EVI5L: variants seen among roughly 807,000 people sequenced by gnomAD.
EVI5L encodes EVI5-like protein.
EVI5L carries 30 observed loss-of-function variants against 106.1 expected under a neutral mutation model. That is an observed-to-expected ratio of 0.28 (90% CI 0.21 to 0.38). The LOEUF (loss-of-function observed/expected upper bound fraction) is 0.38, where lower values mean the gene tolerates loss of function less well. EVI5L is among the 10% of genes least tolerant of loss of function. EVI5L has a pLI of 1.00. For missense variants in EVI5L, 809 were observed against 1,098.0 expected (o/e 0.74, Z 3.72); for synonymous variants, 489 against 483.3 (o/e 1.01, Z -0.15).
chr19:7,858,788 G>C lies in EVI5L; in HGVS notation c.1374+457G>C, dbSNP rs1381204521. ...GGGGAGCTCTGAGCCAGCAGGGTGGGGCTGAGGGGGCACCTTGAGTGTCTT... is the reference window on the plus strand; with the variant it reads ...GGGGAGCTCTGAGCCAGCAGGGTGGCGCTGAGGGGGCACCTTGAGTGTCTT... On this transcript the variant is annotated intron_variant, in intron 13 of 19. Transcript: ENST00000538904. The surrounding 1 kb of genome is among the most constrained non-coding windows in gnomAD (Gnocchi z 5.7). 6.3e-6 allele frequency: 1 copy of C among 159,462 alleles called. No homozygotes were observed. Among genetic ancestry groups the C allele is most frequent in the Non-Finnish European group, 1.4e-5 (1 of 72,982 alleles). 9.9% of individuals were successfully genotyped at this position (159,462 alleles called of 1,614,324 possible). A position where few individuals can be genotyped will look rare whatever the true frequency, so the allele number is the denominator to read the frequency against.
rs556777485 is a variant in EVI5L at position 7,856,942 on chromosome 19, G to C, written c.1201-150G>C. 8 of 822,476 alleles carry C rather than the reference G, an allele frequency of 9.7e-6. No individual in the cohort carries two copies. The South Asian group carries it at 1.1e-4, about 12-fold the overall frequency. 50.9% of individuals were successfully genotyped at this position (822,476 alleles called of 1,614,324 possible). ...TCTTCCTCCGGGTCCTCTCCTGCTG[G>C]TTCTCTGGTCTTCCCTCCTCTCTCC... is the stretch of plus-strand genomic sequence containing the variant. On this transcript the variant is annotated intron_variant, in intron 11 of 19. Coordinates refer to ENST00000538904, the MANE Select transcript of EVI5L (RefSeq NM_001159944.3). This position sits in a 1 kb window ranked among gnomAD's most constrained non-coding sequence, Gnocchi z 6.6.
In EVI5L at chr19:7,848,856, TG is replaced by T; in HGVS notation, c.328-62del. The T allele has an allele frequency of 6.6e-7, 1 of 1,508,544 alleles. No homozygotes were observed. Among genetic ancestry groups the T allele is most frequent in the Non-Finnish European group, 9.1e-7 (1 of 1,103,278 alleles). The allele number at this position is 1,508,544 out of a possible 1,614,324, so 93.4% of individuals were successfully genotyped here. ...ATGAGCCACGCCTGAGGAGCTGGGC[TG>T]GGTGGCCACGGGGAGGCTGCGCTGG... On this transcript the variant is annotated intron_variant, in intron 3 of 19. Transcript: ENST00000538904. The surrounding 1 kb of genome is among the most constrained non-coding windows in gnomAD (Gnocchi z 4.8).
chr19:7,836,168 C>T (rs954067473), intron 1 of EVI5L, among the ~76,000 whole-genome samples: 1 of 151,732 alleles, frequency 6.6e-6, no homozygotes, highest in Non-Finnish European at 1.5e-5. Context: ...ACCCAGGAGG[C>T]GGAGGTTGCA....
chr19:7,838,100 TTTTTG>T (rs1239787605), intron 1 of EVI5L, among the ~76,000 whole-genome samples: 8 of 151,998 alleles, frequency 5.3e-5, no homozygotes, highest in African/African-American at 7.2e-5. Context: ...GGTTGGTTTT[TTTTTG>T]TTTTGTTTTG....
intron 1 of EVI5L, among the ~76,000 whole-genome samples, chr19:7,833,370 C>T (rs1274174392): frequency 1.3e-5 from 2 of 152,260 alleles, no homozygotes; most frequent in Non-Finnish European, 1.5e-5. Context: ...ATGCCAAGCA[C>T]CATTGACATA....
intron 14 of EVI5L, among the ~76,000 whole-genome samples, chr19:7,861,122 C>T (rs1979780910): frequency 6.6e-6 from 1 of 152,184 alleles, no homozygotes; most frequent in African/African-American, 2.4e-5. Flanking sequence ...CACTCTCCCA[C>T]GGAGCTCCCA....
At chr19:7,855,558 G>A (rs888376488) in intron 10 of EVI5L, among the ~76,000 whole-genome samples, 1 of 152,200 alleles carries the variant, frequency 6.6e-6, no homozygotes, top group Non-Finnish European at 1.5e-5. Flanking sequence ...TGATCAGCAC[G>A]CTGGACCCAG....
In EVI5L at chr19:7,856,105, T is replaced by C; in HGVS notation, c.1200+37T>C. 2.3e-6 allele frequency: 3 copies of C among 1,316,624 alleles called. No homozygotes were observed. Among genetic ancestry groups the C allele is most frequent in the Non-Finnish European group, 2.0e-6 (2 of 1,023,184 alleles). The allele number at this position is 1,316,624 out of a possible 1,614,324, so 81.6% of individuals were successfully genotyped here. On this transcript the variant is annotated intron_variant, in intron 11 of 19. Transcript: ENST00000538904. The surrounding 1 kb of genome is among the most constrained non-coding windows in gnomAD (Gnocchi z 6.6). ...GGCCACTGTGAGGACATGGTCGCCA[T>C]GGGGTGTGACCCACCATGCGGGGCA...
Position 7,856,106 on chromosome 19 carries a change from G to A in EVI5L, c.1200+38G>A. 1 of 1,316,026 alleles carries A rather than the reference G, an allele frequency of 7.6e-7. No homozygotes were observed. The highest frequency in any genetic ancestry group is 9.8e-7 in the Non-Finnish European group (1 of 1,022,806). The allele number at this position is 1,316,026 out of a possible 1,614,324, so 81.5% of individuals were successfully genotyped here. The stretch of plus-strand genomic sequence containing the variant: ...GCCACTGTGAGGACATGGTCGCCAT[G>A]GGGTGTGACCCACCATGCGGGGCAT... On this transcript the variant is annotated intron_variant, in intron 11 of 19. Coordinates refer to ENST00000538904, the MANE Select transcript of EVI5L (RefSeq NM_001159944.3). The surrounding 1 kb of genome is among the most constrained non-coding windows in gnomAD (Gnocchi z 6.6).
rs1301420595 is a variant in EVI5L at position 7,848,397 on chromosome 19, G to A, written c.327+476G>A. 6.6e-6 allele frequency among the ~76,000 whole-genome samples: 1 copy of A among 152,172 alleles called. No homozygotes were observed. The highest frequency in any genetic ancestry group is 2.4e-5 in the African/African-American group (1 of 41,420). On this transcript the variant is annotated intron_variant, in intron 3 of 19. Coordinates refer to ENST00000538904, the MANE Select transcript of EVI5L (RefSeq NM_001159944.3). This position sits in a 1 kb window ranked among gnomAD's most constrained non-coding sequence, Gnocchi z 4.8. The stretch of plus-strand genomic sequence containing the variant: ...AGATCACCTAAGGTCAGGAGTTCAA[G>A]ACCAGCCTGGCCAACATGGCGAAAC...
chr19:7,862,615 C>T (rs1979875152), intron 17 of EVI5L, 81 bp downstream of exon 17: 5 of 1,242,658 alleles, frequency 4.0e-6, no homozygotes, highest in Non-Finnish European at 5.2e-6. Flanking sequence ...CCCAATCCGC[C>T]TCTGCCGGCG....
Position 7,857,255 on chromosome 19 carries a change from G to A in EVI5L, c.1233+131G>A. 7.8e-7 allele frequency: 1 copy of A among 1,284,908 alleles called. No individual in the cohort carries two copies. 79.6% of individuals were successfully genotyped at this position (1,284,908 alleles called of 1,614,324 possible). On this transcript the variant is annotated intron_variant, in intron 12 of 19. Transcript: ENST00000538904. The surrounding 1 kb of genome is among the most constrained non-coding windows in gnomAD (Gnocchi z 4.5). ...CCTGGCGCCATGCATGGAGCAGCTG[G>A]GGACCGCTTCTGGGGGACACAGAGG... is the stretch of plus-strand genomic sequence containing the variant.
rs73500080 is a variant in EVI5L at position 7,860,677 on chromosome 19, C to A, written c.1491C>A (p.Leu497=). The A allele has an allele frequency of 8.2e-6, 13 of 1,586,698 alleles. No individual in the cohort carries two copies. Among genetic ancestry groups the A allele is most frequent in the East Asian group, 2.3e-5 (1 of 43,580 alleles). Reference sequence around the variant, plus strand: ...TTCGGGAGATGCAGGACAAGGTTCTCGACATGGAAAAGGTGCAATGGGGAG... The same window carrying A: ...TTCGGGAGATGCAGGACAAGGTTCTAGACATGGAAAAGGTGCAATGGGGAG... ...GALREMQDKV[L]DMEKRNSSLP... is the part of the protein sequence containing the mutation. Residue 497 remains leucine (L), a synonymous_variant, in exon 14 of 20, where the codon CTC becomes CTA. Coordinates refer to ENST00000538904, the MANE Select transcript of EVI5L (RefSeq NM_001159944.3).
At chr19:7,851,287 AGTGCTGAGG>A in intron 6 of EVI5L, 138 bp from the exon 7 acceptor site, 2 of 922,548 alleles carry the variant, frequency 2.2e-6, no homozygotes, top group Non-Finnish European at 3.2e-6. Context: ...CCTCAGACAG[AGTGCTGAGG>A]GAGCACCAGG....
At chr19:7,843,829 G>C (rs1978823492) in intron 1 of EVI5L, among the ~76,000 whole-genome samples, 1 of 152,020 alleles carries the variant, frequency 6.6e-6, no homozygotes, top group South Asian at 2.1e-4. Flanking sequence ...CATGTGTGTT[G>C]TGCGTGCACA....
At chr19:7,854,829 G>A (rs545885709) in intron 10 of EVI5L, among the ~76,000 whole-genome samples, 31 of 152,312 alleles carry the variant, frequency 2.0e-4, no homozygotes, top group African/African-American at 6.7e-4. Context: ...TTCCCCACAT[G>A]ACATGCATCA....
At chr19:7,843,455 AGTGT>A (rs1263766511) in intron 1 of EVI5L, among the ~76,000 whole-genome samples, 10 of 56,600 alleles carry the variant, frequency 1.8e-4, no homozygotes, top group South Asian at 1.2e-3. Flanking sequence ...TGGGTGTGTG[AGTGT>A]GTGTGAGAAT....
Position 7,863,633 on chromosome 19 carries a change from C to T in EVI5L, c.2349C>T (p.Asp783=), listed in dbSNP as rs994027409. Residue 783 remains aspartate, a synonymous_variant, in exon 20 of 20, where the codon GAC becomes GAT. Coordinates refer to ENST00000538904, the MANE Select transcript of EVI5L (RefSeq NM_001159944.3). The surrounding 1 kb of genome is among the most constrained non-coding windows in gnomAD (Gnocchi z 7.7). Reference sequence around the variant, plus strand: ...GCCGTCTGGAGCGGCCGGCCAAGGACAGCGAGGGCAGCTCAGACAGCGACG... The same window carrying T: ...GCCGTCTGGAGCGGCCGGCCAAGGATAGCGAGGGCAGCTCAGACAGCGACG... ...FFRRLERPAK[D]SEGSSDSDAD... 4 of 1,548,338 alleles carry T rather than the reference C, an allele frequency of 2.6e-6. No individual in the cohort carries two copies. Among genetic ancestry groups the T allele is most frequent in the Non-Finnish European group, 3.5e-6 (4 of 1,147,340 alleles).
chr19:7,846,706 G>A, intron 2 of EVI5L, 27 bp downstream of exon 2: 1 of 1,606,302 alleles, frequency 6.2e-7, no homozygotes. Flanking sequence ...GGGATGGGGT[G>A]AAATCTTGGG....
Sources: gnomAD v4.1 joint callset for allele counts (sites outside exome capture counted in the v4.1 genomes callset) on GRCh38, gnomAD v4.1.1 for gene constraint, Gnocchi (gnomAD v3.1) non-coding constraint, MANE v1.5 for transcripts, NCBI Gene and HGNC (gene_info 2026-07-23, HGNC 2026-07-21) for gene names.